The following NKAIN3 variants were observed in gnomAD, a reference collection of about 807,000 sequenced individuals.
NKAIN3 encodes sodium/potassium transporting ATPase interacting 3, also known as sodium/potassium-transporting ATPase subunit beta-1-interacting protein 3.
A neutral mutation model predicts 30.2 loss-of-function variants in NKAIN3; 25 were observed. The observed-to-expected ratio is 0.83, with a 90% CI of 0.60 to 1.16. The LOEUF (loss-of-function observed/expected upper bound fraction) is 1.16, where lower values mean the gene tolerates loss of function less well. Among genes scored for constraint, NKAIN3 ranks in the 50% most tolerant of loss-of-function variants. The pLI, the probability that NKAIN3 is intolerant of heterozygous loss-of-function variation, is 0.00. For missense variants in NKAIN3, 225 were observed against 254.1 expected, an observed-to-expected ratio of 0.89 and a Z score of 0.78; for synonymous variants, 91 against 89.6, an observed-to-expected ratio of 1.02 and a Z score of -0.09.
chr8:62,466,175 G>GTAT (rs1806155923), intron 1 of NKAIN3, among the ~76,000 whole-genome samples: 1 of 151,982 alleles, frequency 6.6e-6, no homozygotes, highest in Admixed American at 6.6e-5. Context: ...AGTTAATAAT[G>GTAT]TATTATTATT....
intron 1 of NKAIN3, among the ~76,000 whole-genome samples, chr8:62,558,425 CT>C (rs1809474212): frequency 6.6e-6 from 1 of 151,796 alleles, no homozygotes; most frequent in Admixed American, 6.6e-5. Context: ...TTTAGGATTT[CT>C]TTTTCTAGTT....
At chr8:62,310,475 A>G (rs530234889) in intron 1 of NKAIN3, among the ~76,000 whole-genome samples, 2 of 150,838 alleles carry the variant, frequency 1.3e-5, no homozygotes, top group South Asian at 4.1e-4. Context: ...ATTAGAAAGT[A>G]TTTAGAACGT....
intron 4 of NKAIN3, among the ~76,000 whole-genome samples, chr8:62,898,263 C>T (rs1387546364): frequency 6.6e-6 from 1 of 152,050 alleles, no homozygotes; most frequent in Non-Finnish European, 1.5e-5. Context: ...CACAAGCATG[C>T]ATATTTTTAT....
intron 4 of NKAIN3, among the ~76,000 whole-genome samples, chr8:62,747,972 A>G (rs1173040913): frequency 1.3e-5 from 2 of 152,214 alleles, no homozygotes; most frequent in Non-Finnish European, 2.9e-5. Context: ...GGTTATGTCA[A>G]TGAAGAAGGT....
At position 62,767,898 on chromosome 8, in the gene NKAIN3, TTATA is replaced by T. The variant is rs371047564; in HGVS notation, c.471+20773_471+20776del. ...ATCATACATAATTATTCTATATTGA[TTATA>T]TATCTTAAAAGTCTTTTGGATATAT... On this transcript the variant is annotated intron_variant, in intron 4 of 6. Transcript: ENST00000623646. Among the ~76,000 whole-genome samples the T allele has an allele frequency of 2.4e-4, 36 of 152,198 alleles. No homozygotes were observed. The East Asian group carries it at 2.7e-3, about 11-fold the overall frequency.
At chr8:62,325,685 TA>T (rs1311705728) in intron 1 of NKAIN3, among the ~76,000 whole-genome samples, 5 of 152,160 alleles carry the variant, frequency 3.3e-5, no homozygotes, top group Admixed American at 6.5e-5. Flanking sequence ...CTTACAGGAA[TA>T]AGGTGGTATC....
At chr8:62,914,041 C>T (rs10957257) in intron 4 of NKAIN3, among the ~76,000 whole-genome samples, 103,288 of 152,088 alleles carry the variant, frequency 0.68, 36,007 homozygotes, top group East Asian at 0.9. Flanking sequence ...GAGACATGCA[C>T]GCCTATGTTT....
intron 1 of NKAIN3, among the ~76,000 whole-genome samples, chr8:62,291,196 G>A (rs1813611432): frequency 6.6e-6 from 1 of 152,100 alleles, no homozygotes; most frequent in Non-Finnish European, 1.5e-5. Flanking sequence ...CCAGCTCCTG[G>A]ATTCATGGAT....
chr8:62,423,409 A>T (rs1804707961), intron 1 of NKAIN3, among the ~76,000 whole-genome samples: 1 of 149,774 alleles, frequency 6.7e-6, no homozygotes, highest in African/African-American at 2.4e-5. Context: ...ATCTCTATGT[A>T]TATATAACAT....
At chr8:62,653,505 T>C (rs2130338126) in intron 3 of NKAIN3, among the ~76,000 whole-genome samples, 1 of 152,278 alleles carries the variant, frequency 6.6e-6, no homozygotes, top group East Asian at 1.9e-4. Flanking sequence ...CCAAGTATTA[T>C]GGTAGAAAAG....
chr8:62,562,150 C>T (rs1809604056), intron 1 of NKAIN3, among the ~76,000 whole-genome samples: 1 of 152,066 alleles, frequency 6.6e-6, no homozygotes. Flanking sequence ...TTTATTTAGC[C>T]TCTTTATACA....
At chr8:62,779,062 G>A (rs1475216745) in intron 4 of NKAIN3, among the ~76,000 whole-genome samples, 1 of 152,072 alleles carries the variant, frequency 6.6e-6, no homozygotes, top group African/African-American at 2.4e-5. Flanking sequence ...CTATCCTACT[G>A]TGGCTGAGCT....
chr8:62,821,979 C>T (rs1016415472), intron 4 of NKAIN3, among the ~76,000 whole-genome samples: 1 of 151,930 alleles, frequency 6.6e-6, no homozygotes, highest in Non-Finnish European at 1.5e-5. Flanking sequence ...TACGGAAAAG[C>T]CTTTATAGAG....
chr8:62,326,709 G>A (rs1158841219), intron 1 of NKAIN3, among the ~76,000 whole-genome samples: 2 of 151,784 alleles, frequency 1.3e-5, no homozygotes, highest in African/African-American at 4.8e-5. Context: ...ACTGTCAGTG[G>A]GCATTTCAGT....
intron 4 of NKAIN3, among the ~76,000 whole-genome samples, chr8:62,822,803 T>A (rs1818889585): frequency 6.6e-6 from 1 of 152,310 alleles, no homozygotes; most frequent in East Asian, 1.9e-4. Context: ...AGTGCATTCT[T>A]AGGCAATTTT....
rs189948279 is a variant in NKAIN3, at chr8:62,381,405, C to A, written c.54+132278C>A. Among the ~76,000 whole-genome samples, 4 of 152,016 alleles carry A rather than the reference C, an allele frequency of 2.6e-5. No homozygotes were observed. The East Asian group carries it at 7.7e-4, about 29-fold the overall frequency. On this transcript the variant is annotated intron_variant, in intron 1 of 6. Coordinates refer to ENST00000623646, the MANE Select transcript of NKAIN3 (RefSeq NM_001304533.3). ...TTAAATCTTCTTTATAAAGGGATGC[C>A]CTTTACTATATTCTTCTCTACCCTC...
At chr8:62,464,389 A>G (rs996203205) in intron 1 of NKAIN3, among the ~76,000 whole-genome samples, 5 of 152,230 alleles carry the variant, frequency 3.3e-5, no homozygotes, top group Admixed American at 6.5e-5. Flanking sequence ...ATCTTCCTAC[A>G]TACAAGTATA....
chr8:62,337,459 G>GA (rs922905823), intron 1 of NKAIN3, among the ~76,000 whole-genome samples: 47 of 149,464 alleles, frequency 3.1e-4, no homozygotes, highest in Admixed American at 6.7e-4. Flanking sequence ...TCAGGGGCAG[G>GA]AAAAAAAAAC....
chr8:62,364,298 G>A (rs987144685), intron 1 of NKAIN3, among the ~76,000 whole-genome samples: 2 of 152,138 alleles, frequency 1.3e-5, no homozygotes, highest in South Asian at 4.1e-4. Context: ...TTGTAGTAAT[G>A]TCTTAAAGGT....
Sources: allele counts gnomAD v4.1 joint callset (sites outside exome capture counted in the v4.1 genomes callset), GRCh38; gene constraint gnomAD v4.1.1; transcripts MANE v1.5; gene names NCBI Gene and HGNC (gene_info 2026-07-23, HGNC 2026-07-21).